CPB2: variants seen among roughly 807,000 people sequenced by gnomAD.
CPB2 encodes the protein carboxypeptidase B2.
In CPB2, 54 loss-of-function variants were observed where a neutral mutation model predicts 57.0. The observed-to-expected ratio is 0.95, with a 90% CI of 0.76 to 1.19. The LOEUF is 1.19. CPB2 is among the 50% of genes most tolerant of loss of function. The probability of loss-of-function intolerance (pLI) is 0.00; values close to 1 mark genes in which losing one functional copy is unlikely to be tolerated. For missense variants in CPB2, 426 were observed against 512.0 expected (o/e 0.83, Z 1.62); for synonymous variants, 189 against 178.1 (o/e 1.06, Z -0.49).
At chr13:46,082,770 A>G (rs184685282) in intron 3 of CPB2, among the ~76,000 whole-genome samples, 1 of 152,304 alleles carries the variant, frequency 6.6e-6, no homozygotes, top group East Asian at 1.9e-4. Context: ...AGTAGCTCCT[A>G]TTAGGTATAC....
Position 46,104,976 on chromosome 13 carries a change from T to C in CPB2, c.34A>G (p.Ile12Val), listed in dbSNP as rs762166525. The C allele has an allele frequency of 1.7e-5, 27 of 1,613,850 alleles. No homozygotes were observed. The highest frequency in any genetic ancestry group is 7.6e-6 in the Non-Finnish European group (9 of 1,179,926). Residue 12 changes from isoleucine to valine, a missense_variant, in exon 1 of 11, where the codon ATT becomes GTT. Ile to Val is a conservative substitution (Grantham distance 29). Transcript: ENST00000181383. ...KLCSLAVLVP[I>V]VLFCEQHVFA... ...ACATGCTGCTCACAGAAGAGAACAA[T>C]GGGTACAAGGACTGCAAGGCTGCAA...
chr13:46,102,059 T>C (rs189481948), intron 1 of CPB2, among the ~76,000 whole-genome samples: 3 of 152,332 alleles, frequency 2.0e-5, no homozygotes, highest in Non-Finnish European at 4.4e-5. Context: ...ATGAAAACAA[T>C]ACATCAGTAG....
intron 6 of CPB2, among the ~76,000 whole-genome samples, chr13:46,068,772 A>T (rs1445039515): frequency 6.9e-6 from 1 of 145,112 alleles, no homozygotes; most frequent in Non-Finnish European, 1.5e-5. Flanking sequence ...GCTCCCACTT[A>T]TGAGTGAGAA....
chr13:46,104,031 A>G (rs944408004), intron 1 of CPB2, among the ~76,000 whole-genome samples: 1 of 152,262 alleles, frequency 6.6e-6, no homozygotes, highest in Non-Finnish European at 1.5e-5. Flanking sequence ...ATGTACAAAC[A>G]CAGCTTCAGG....
At chr13:46,091,841 T>C (rs2045297368) in intron 1 of CPB2, among the ~76,000 whole-genome samples, 1 of 152,236 alleles carries the variant, frequency 6.6e-6, no homozygotes. Context: ...AATGTCCTCA[T>C]TTCTGCAGCT....
intron 3 of CPB2, 44 bp downstream of exon 3, chr13:46,084,175 A>C: frequency 6.2e-7 from 1 of 1,605,582 alleles, no homozygotes; most frequent in African/African-American, 1.3e-5. Context: ...AGTGCATAGT[A>C]AGTGTTTATA....
Position 46,055,778 on chromosome 13 carries a change from A to G in CPB2, c.1071T>C (p.His357=), listed in dbSNP as rs202020888. Residue 357 remains histidine (H), a synonymous_variant, in exon 10 of 11, where the codon CAT becomes CAC. Transcript: ENST00000181383. ...AATACTTACATAAGGTTTCTGAGCC[A>G]TGGCCATGTGTATACCTGGTATTTT... The part of the protein sequence containing the change: ...ISKNTRYTHG[H]GSETLYLAPG... The G allele has an allele frequency of 4.5e-5, 72 of 1,590,008 alleles. No individual in the cohort carries two copies. Among genetic ancestry groups the G allele is most frequent in the Non-Finnish European group, 6.0e-5 (70 of 1,162,444 alleles).
At chr13:46,095,470 G>A (rs977540548) in intron 1 of CPB2, among the ~76,000 whole-genome samples, 4 of 152,116 alleles carry the variant, frequency 2.6e-5, no homozygotes, top group Admixed American at 2.0e-4. Context: ...CCTGGAAAAC[G>A]ACAGCAAACA....
At chr13:46,057,424 T>G (rs1171510851) in intron 9 of CPB2, among the ~76,000 whole-genome samples, 1 of 152,180 alleles carries the variant, frequency 6.6e-6, no homozygotes, top group African/African-American at 2.4e-5. Flanking sequence ...AATGAGTCAC[T>G]AAGAAACAAG....
chr13:46,082,313 C>A (rs926457734), intron 4 of CPB2, 128 bp downstream of exon 4: 3 of 538,540 alleles, frequency 5.6e-6, no homozygotes, highest in Non-Finnish European at 9.9e-6. Context: ...ATTTAATTAA[C>A]CTAAGTGTGT....
intron 1 of CPB2, among the ~76,000 whole-genome samples, chr13:46,091,408 T>C (rs2045290911): frequency 6.6e-6 from 1 of 152,224 alleles, no homozygotes; most frequent in African/African-American, 2.4e-5. Flanking sequence ...CAACATTGAA[T>C]AGAAGTGGAG....
chr13:46,053,463 A>C lies in CPB2; in HGVS notation c.*151T>G. The C allele has an allele frequency of 8.4e-7, 1 of 1,197,502 alleles. No homozygotes were observed. The highest frequency in any genetic ancestry group is 1.9e-5 in the South Asian group (1 of 53,010). The allele number at this position is 1,197,502 out of a possible 1,614,324, so 74.2% of individuals were successfully genotyped here. On this transcript the variant is annotated 3_prime_UTR_variant, in exon 11 of 11. Coordinates refer to ENST00000181383, the MANE Select transcript of CPB2 (RefSeq NM_001872.5). ...CCCTAGTCTGCCTTAATGGCAAAGT[A>C]GCACTTATTAGGTTCTCTGACAGAA...
chr13:46,089,752 C>T (rs559654983), intron 1 of CPB2, among the ~76,000 whole-genome samples: 23 of 152,192 alleles, frequency 1.5e-4, no homozygotes, highest in African/African-American at 5.5e-4. Context: ...GAATATATAG[C>T]GGGAAGGTTC....
intron 4 of CPB2, among the ~76,000 whole-genome samples, chr13:46,081,615 C>T (rs1298522812): frequency 6.6e-6 from 1 of 152,138 alleles, no homozygotes; most frequent in Non-Finnish European, 1.5e-5. Flanking sequence ...ATTCTCATTA[C>T]CTAAGTCTTA....
chr13:46,068,631 T>C (rs1476391836), intron 6 of CPB2, among the ~76,000 whole-genome samples: 4 of 152,122 alleles, frequency 2.6e-5, no homozygotes, highest in African/African-American at 9.7e-5. Context: ...CCACGGTGGT[T>C]AGCTGCACCC....
At chr13:46,094,772 A>T (rs2045343074) in intron 1 of CPB2, 1 of 152,174 alleles carries the variant, frequency 6.6e-6, no homozygotes, top group Non-Finnish European at 1.5e-5. Context: ...CTTTACAATA[A>T]AAATAAATCA....
intron 1 of CPB2, among the ~76,000 whole-genome samples, chr13:46,088,170 A>C (rs2045238833): frequency 6.6e-6 from 1 of 152,150 alleles, no homozygotes; most frequent in African/African-American, 2.4e-5. Context: ...AATAAAATGA[A>C]TGCCTGTGAA....
chr13:46,087,853 T>C lies in CPB2; in HGVS notation c.75-33A>G, dbSNP rs763357260. 14 of 1,415,646 alleles carry C rather than the reference T, an allele frequency of 9.9e-6. No homozygotes were observed. In the East Asian group the frequency reaches 3.2e-4, roughly 32 times the overall value. 87.7% of individuals were successfully genotyped at this position (1,415,646 alleles called of 1,614,324 possible). A position where few individuals can be genotyped will look rare whatever the true frequency, so the allele number is the denominator to read the frequency against. ...AAAAAATAAAAGAGGATTTTGATAT[T>C]AAATAAAGAGTAAAGATGGAATATA... On this transcript the variant is annotated intron_variant, in intron 1 of 10. Transcript: ENST00000181383.
At position 46,055,905 on chromosome 13, in the gene CPB2, G is replaced by A; in HGVS notation, c.1000-56C>T. The A allele has an allele frequency of 4.9e-6, 5 of 1,013,722 alleles. No individual in the cohort carries two copies. The South Asian group carries it at 7.5e-5, about 15-fold the overall frequency. The allele number at this position is 1,013,722 out of a possible 1,614,324, so 62.8% of individuals were successfully genotyped here. A position where few individuals can be genotyped will look rare whatever the true frequency, so the allele number is the denominator to read the frequency against. ...AATGTGCAGCTTTGAAACATGACAA[G>A]TAGAAGTTTCTAAAAAATAATCATA... On this transcript the variant is annotated intron_variant, in intron 9 of 10. Coordinates refer to ENST00000181383, the MANE Select transcript of CPB2 (RefSeq NM_001872.5).
Sources: allele counts gnomAD v4.1 joint callset (sites outside exome capture counted in the v4.1 genomes callset), GRCh38; gene constraint gnomAD v4.1.1; transcripts MANE v1.5; gene names NCBI Gene and HGNC (gene_info 2026-07-23, HGNC 2026-07-21).